LRP5: variants seen among roughly 807,000 people sequenced by gnomAD.
LRP5 encodes low-density lipoprotein receptor-related protein 5.
Under a neutral mutation model 154.1 loss-of-function variants are expected in LRP5, and 62 were observed. The ratio of observed to expected loss-of-function variants is 0.40; its 90% confidence interval spans 0.33 to 0.50. The LOEUF is 0.50. Among genes scored for constraint, LRP5 ranks in the 20% least tolerant of loss-of-function variants. The pLI is 0.55. For missense variants in LRP5, 1,915 were observed against 2,336.7 expected, an observed-to-expected ratio of 0.82 and a Z score of 3.72; for synonymous variants, 966 against 1,011.5, an observed-to-expected ratio of 0.96 and a Z score of 0.85.
intron 13 of LRP5, among the ~76,000 whole-genome samples, chr11:68,419,631 C>T (rs550654131): frequency 1.1e-4 from 16 of 151,798 alleles, no homozygotes; most frequent in Non-Finnish European, 2.2e-4. Context: ...CCTCTGCCTC[C>T]CAGGTTCAAG....
the LRP5 span, among the ~76,000 whole-genome samples, chr11:68,300,144 G>C: frequency 6.7e-6 from 1 of 149,072 alleles, no homozygotes; most frequent in Non-Finnish European, 1.5e-5. Context: ...GCCTCCCAAA[G>C]TGCTGGGAGC....
intron 13 of LRP5, among the ~76,000 whole-genome samples, chr11:68,417,766 C>G (rs1308133623): frequency 1.3e-5 from 2 of 151,790 alleles, no homozygotes; most frequent in African/African-American, 2.4e-5. Context: ...GAAACCCCGT[C>G]TCTACTGAAT....
chr11:68,428,442 T>C (rs555861637), intron 16 of LRP5, among the ~76,000 whole-genome samples: 1 of 152,312 alleles, frequency 6.6e-6, no homozygotes, highest in East Asian at 1.9e-4. Flanking sequence ...GGGAGGGCTG[T>C]GCTTCCTCTG....
intron 5 of LRP5, among the ~76,000 whole-genome samples, chr11:68,379,053 A>T (rs1460387780): frequency 6.6e-6 from 1 of 152,138 alleles, no homozygotes; most frequent in Admixed American, 6.5e-5. Context: ...CTCAAAAAAA[A>T]AAATAAAAAT....
chr11:68,411,381 G>A, intron 10 of LRP5, 55 bp from the exon 11 acceptor site: 3 of 1,588,098 alleles, frequency 1.9e-6, no homozygotes, highest in Non-Finnish European at 2.6e-6. Flanking sequence ...GCCACCCACT[G>A]TCCTGCGGTG....
the LRP5 span, among the ~76,000 whole-genome samples, chr11:68,305,444 GTTT>G: frequency 6.6e-6 from 1 of 151,936 alleles, no homozygotes; most frequent in Non-Finnish European, 1.5e-5. Flanking sequence ...GTGTTTATTT[GTTT>G]TTTATTTATT....
In LRP5 at chr11:68,351,212, AG is replaced by A. The variant is rs1487734884; in HGVS notation, c.488+2973del. On this transcript the variant is annotated intron_variant, in intron 2 of 22. Transcript: ENST00000294304. ...ACCTGAGAAGTGCCCCCGGCCTCCC[AG>A]GGGTGCTGTGCTGGGCAACCACTCA... Among the ~76,000 whole-genome samples, 3 of 152,170 alleles carry A rather than the reference AG, an allele frequency of 2.0e-5. No homozygotes were observed. The East Asian group carries it at 5.8e-4, about 30-fold the overall frequency.
At chr11:68,387,767 A>G (rs1436622621) in intron 6 of LRP5, among the ~76,000 whole-genome samples, 2 of 152,182 alleles carry the variant, frequency 1.3e-5, no homozygotes, top group Non-Finnish European at 2.9e-5. Flanking sequence ...GCCGATGGGA[A>G]GTCCCAGAGG....
upstream of LRP5, among the ~76,000 whole-genome samples, chr11:68,311,209 G>C (rs1400424613): frequency 1.3e-5 from 2 of 152,166 alleles, no homozygotes; most frequent in Non-Finnish European, 2.9e-5. Context: ...ATCCTAGCCT[G>C]GCTTCCCATT....
chr11:68,437,101 T>G, intron 19 of LRP5, 102 bp downstream of exon 19: 1 of 994,948 alleles, frequency 1.0e-6, no homozygotes, highest in Non-Finnish European at 1.6e-6. Context: ...GGCTGGGGGC[T>G]GTGTGGGAGA....
rs772193192 is a variant in LRP5, at chr11:68,416,324, C to T, written c.2828-4C>T. ...ACCTGCAGCCCTGTCTTTGCCTCCT[C>T]TAGCGCCCACCACCTTCTTGCTGTT... On this transcript the variant is annotated splice_polypyrimidine_tract_variant and splice_region_variant and intron_variant, in intron 12 of 22. Coordinates refer to ENST00000294304, the MANE Select transcript of LRP5 (RefSeq NM_002335.4). 3.7e-6 allele frequency: 6 copies of T among 1,613,810 alleles called. No homozygotes were observed. The Admixed American group carries it at 6.7e-5, about 18-fold the overall frequency.
chr11:68,374,925 C>T (rs761788926), intron 5 of LRP5, among the ~76,000 whole-genome samples: 19 of 152,198 alleles, frequency 1.2e-4, no homozygotes, highest in Non-Finnish European at 2.5e-4. Flanking sequence ...GGCGCCTTTC[C>T]ACAGGCTCAG....
chr11:68,393,443 G>A (rs914545897), intron 7 of LRP5, among the ~76,000 whole-genome samples: 1 of 152,246 alleles, frequency 6.6e-6, no homozygotes, highest in African/African-American at 2.4e-5. Flanking sequence ...GGCAGTGTGT[G>A]AGGGTTCTGA....
intron 12 of LRP5, among the ~76,000 whole-genome samples, 167 bp downstream of exon 12, chr11:68,414,179 A>G (rs1163608430): frequency 1.3e-5 from 2 of 152,200 alleles, no homozygotes; most frequent in African/African-American, 4.8e-5. Context: ...GTCCAGGTCC[A>G]GGCTGGATGG....
chr11:68,445,750 G>A, intron 21 of LRP5: 1 of 1,026,068 alleles, frequency 9.7e-7, no homozygotes, highest in Non-Finnish European at 1.3e-6. Context: ...TGTAGGGCTG[G>A]TTGTGTGCTG....
chr11:68,302,491 C>T, the LRP5 span, among the ~76,000 whole-genome samples: 5 of 152,302 alleles, frequency 3.3e-5, no homozygotes, highest in Admixed American at 6.5e-5. Context: ...GAGTGACCAA[C>T]TTGCTCCTGT....
At position 68,425,090 on chromosome 11, in the gene LRP5, A is replaced by G. The variant is rs1156998834; in HGVS notation, c.3237-12A>G. 5 of 1,612,582 alleles carry G rather than the reference A, an allele frequency of 3.1e-6. No individual in the cohort carries two copies. In the South Asian group the frequency reaches 5.5e-5, roughly 18 times the overall value. ...TCCCCACACCCGTCCTTCACCCGCC[A>G]CCCTCCCGCAGGTACCTGTACTTCA... is the stretch of plus-strand genomic sequence containing the variant. On this transcript the variant is annotated splice_polypyrimidine_tract_variant and intron_variant, in intron 14 of 22. Coordinates refer to ENST00000294304, the MANE Select transcript of LRP5 (RefSeq NM_002335.4).
chr11:68,383,747 T>G (rs1030084623), intron 5 of LRP5, among the ~76,000 whole-genome samples: 21 of 152,138 alleles, frequency 1.4e-4, no homozygotes, highest in African/African-American at 4.3e-4. Context: ...ACTGTTGGTA[T>G]GGGGCGGCCA....
rs2098629323 is a variant in LRP5, at chr11:68,363,760, G to A, written c.700G>A (p.Glu234Lys). The part of the protein sequence containing the change: ...LDGSFRQKVV[E>K]GSLTHPFALT... ...CCCTGACTGCAGGCAGAAGGTGGTG[G>A]AGGGCAGCCTGACGCACCCCTTCGC... The change falls in exon 4 of 23, where the codon GAG becomes AAG. Residue 234 changes from glutamate (E) to lysine (K), a missense_variant. Transcript: ENST00000294304. 1.9e-6 allele frequency: 3 copies of A among 1,612,446 alleles called. No individual in the cohort carries two copies. The highest frequency in any genetic ancestry group is 2.5e-6 in the Non-Finnish European group (3 of 1,179,830).
Sources: gnomAD v4.1 joint callset for allele counts (sites outside exome capture counted in the v4.1 genomes callset) on GRCh38, gnomAD v4.1.1 for gene constraint, MANE v1.5 for transcripts, NCBI Gene and HGNC (gene_info 2026-07-23, HGNC 2026-07-21) for gene names.